KIR2DL1: variants seen among roughly 807,000 people sequenced by gnomAD.
The protein encoded by KIR2DL1 is killer cell immunoglobulin-like receptor 2DL1.
KIR2DL1 carries 38 observed loss-of-function variants against 33.9 expected under a neutral mutation model. The observed-to-expected ratio is 1.12, with a 90% CI of 0.86 to 1.47. KIR2DL1 has a LOEUF of 1.47. KIR2DL1 is among the 40% of genes most tolerant of loss of function. The probability of loss-of-function intolerance (pLI) is 0.00; values close to 1 mark genes in which losing one functional copy is unlikely to be tolerated. For synonymous variants in KIR2DL1, 179 were observed against 165.9 expected (o/e 1.08, Z -0.61); for missense variants, 531 against 433.9 (o/e 1.22, Z -1.99).
At chr19:54,779,204 T>C (rs1459887293) in intron 5 of KIR2DL1, among the ~76,000 whole-genome samples, 1 of 147,896 alleles carries the variant, frequency 6.8e-6, no homozygotes, top group African/African-American at 2.5e-5. Flanking sequence ...CTTTTCCTAT[T>C]GTTGCCATAA....
intron 5 of KIR2DL1, among the ~76,000 whole-genome samples, chr19:54,782,088 G>A (rs1157944616): frequency 1.3e-5 from 2 of 151,970 alleles, no homozygotes; most frequent in Non-Finnish European, 2.9e-5. Flanking sequence ...TCAAGGCTCA[G>A]AAAAGCTCCT....
rs1340447403 is a variant in KIR2DL1 at position 54,775,724 on chromosome 19, A to T, written c.664+266A>T. Among the ~76,000 whole-genome samples, 4 of 148,680 alleles carry T rather than the reference A, an allele frequency of 2.7e-5. 1 individual carries two copies. The highest frequency in any genetic ancestry group is 9.8e-5 in the African/African-American group (4 of 40,774). On this transcript the variant is annotated intron_variant, in intron 4 of 7. Coordinates refer to ENST00000336077, the MANE Select transcript of KIR2DL1 (RefSeq NM_014218.3). ...GACCCAGAGGAGGGAGACTGGGCTCAGTTTGGGGAGATCAGAGGTTCCCTC... is the reference window on the plus strand; with the variant it reads ...GACCCAGAGGAGGGAGACTGGGCTCTGTTTGGGGAGATCAGAGGTTCCCTC...
At chr19:54,772,575 G>A (rs2075864237) in intron 2 of KIR2DL1, among the ~76,000 whole-genome samples, 1 of 145,942 alleles carries the variant, frequency 6.9e-6, no homozygotes. Context: ...CATGGTGGCA[G>A]GTGCATGTAA....
chr19:54,780,746 T>A lies in KIR2DL1; in HGVS notation c.715+2084T>A, dbSNP rs1284286280. On this transcript the variant is annotated intron_variant, in intron 5 of 7. Transcript: ENST00000336077. Reference sequence around the variant, plus strand: ...TCATTGACTGGAAAGGCTTACTGGGTTTGATTTTCCTACTTGTTTAATCCT... The same window carrying A: ...TCATTGACTGGAAAGGCTTACTGGGATTGATTTTCCTACTTGTTTAATCCT... Among the ~76,000 whole-genome samples the A allele has an allele frequency of 7.9e-5, 11 of 139,196 alleles. 1 individual carries two copies. Among genetic ancestry groups the A allele is most frequent in the Non-Finnish European group, 1.8e-4 (11 of 62,352 alleles). 91.3% of individuals were successfully genotyped at this position (139,196 alleles called of 152,430 possible).
In KIR2DL1 at chr19:54,771,835, A is replaced by C. The variant is rs200030001; in HGVS notation, c.70+951A>C. Among the ~76,000 whole-genome samples, 123 of 146,466 alleles carry C rather than the reference A, an allele frequency of 8.4e-4. 11 individuals are homozygous for C. In the East Asian group the frequency reaches 0.011, roughly 13 times the overall value. On this transcript the variant is annotated intron_variant, in intron 2 of 7. Transcript: ENST00000336077. Reference sequence around the variant, plus strand: ...GGACCTATACATGTCGGGGTTCACAACCACACTACCCCAGTGGGTGGTCGG... The same window carrying C: ...GGACCTATACATGTCGGGGTTCACACCCACACTACCCCAGTGGGTGGTCGG...
chr19:54,770,410 G>A (rs1216583130), intron 1 of KIR2DL1, among the ~76,000 whole-genome samples: 12 of 144,328 alleles, frequency 8.3e-5, no homozygotes, highest in East Asian at 2.0e-4. Context: ...TGCCTAGGAT[G>A]GAGATACGGG....
rs933550489 is a variant in KIR2DL1, at chr19:54,780,129, C to G, written c.715+1467C>G. 11 of 527,150 alleles carry G rather than the reference C, an allele frequency of 2.1e-5. 1 individual carries two copies. The highest frequency in any genetic ancestry group is 3.0e-5 in the Non-Finnish European group (9 of 300,608). 32.7% of individuals were successfully genotyped at this position (527,150 alleles called of 1,614,324 possible). ...ACGTTGGCCAAGCTTGTCTGAAACT[C>G]CCAACCTCAAGTGATCCGACCGTCT... On this transcript the variant is annotated intron_variant, in intron 5 of 7. Transcript: ENST00000336077.
At chr19:54,772,745 A>G (rs1224735724) in intron 2 of KIR2DL1, among the ~76,000 whole-genome samples, 1 of 144,038 alleles carries the variant, frequency 6.9e-6, no homozygotes, top group East Asian at 2.0e-4. Flanking sequence ...AACAAGGAGA[A>G]GGTTGGCTAC....
At chr19:54,773,289 T>C (rs2075963295) in intron 2 of KIR2DL1, 44 bp from the exon 3 acceptor site, 1 of 1,541,396 alleles carries the variant, frequency 6.5e-7, no homozygotes, top group East Asian at 2.3e-5. Context: ...ATGGATGGGA[T>C]GATAAAGAGA....
intron 5 of KIR2DL1, among the ~76,000 whole-genome samples, chr19:54,779,111 A>G (rs1326876462): frequency 7.4e-5 from 11 of 148,180 alleles, no homozygotes; most frequent in Non-Finnish European, 1.5e-5. Flanking sequence ...TTGCCGTAAC[A>G]GAGAACAGAG....
chr19:54,781,933 C>T (rs1176278620), intron 5 of KIR2DL1, among the ~76,000 whole-genome samples: 1 of 152,094 alleles, frequency 6.6e-6, no homozygotes, highest in African/African-American at 2.4e-5. Flanking sequence ...TCCTGGACTG[C>T]ACCTGGGCCT....
chr19:54,783,568 T>C (rs1370884999), intron 7 of KIR2DL1, 30 bp downstream of exon 7: 2 of 1,613,840 alleles, frequency 1.2e-6, no homozygotes. Flanking sequence ...GGCTCGTGGC[T>C]ACTGTTATTC....
chr19:54,779,240 A>C (rs564865565), intron 5 of KIR2DL1, among the ~76,000 whole-genome samples: 46 of 148,630 alleles, frequency 3.1e-4, no homozygotes, highest in African/African-American at 1.1e-3. Flanking sequence ...TTCGTGGGTG[A>C]AAACAAAACG....
chr19:54,782,197 C>T lies in KIR2DL1; in HGVS notation c.716-725C>T, dbSNP rs762997092. Among the ~76,000 whole-genome samples the T allele has an allele frequency of 1.0e-3, 156 of 151,840 alleles. 2 individuals carry two copies. Among genetic ancestry groups the T allele is most frequent in the Non-Finnish European group, 1.8e-3 (122 of 67,996 alleles). On this transcript the variant is annotated intron_variant, in intron 5 of 7. Transcript: ENST00000336077. Reference sequence around the variant, plus strand: ...CCCTGGAGCCACAGGAAGCACTCAGCTAAAGCACTGCATGACGTCCTCCAG... The same window carrying T: ...CCCTGGAGCCACAGGAAGCACTCAGTTAAAGCACTGCATGACGTCCTCCAG...
intron 4 of KIR2DL1, among the ~76,000 whole-genome samples, chr19:54,777,362 A>T (rs2076472547): frequency 6.8e-6 from 1 of 148,086 alleles, no homozygotes; most frequent in Non-Finnish European, 1.5e-5. Context: ...AAGTTCTAGG[A>T]TGACACAAGT....
At chr19:54,783,152 T>C in intron 6 of KIR2DL1, 129 bp downstream of exon 6, 1 of 1,105,860 alleles carries the variant, frequency 9.0e-7, no homozygotes, top group African/African-American at 1.5e-5. Context: ...GAGGCAGGAC[T>C]TTCTAGAGAG....
In KIR2DL1 at chr19:54,773,639, G is replaced by A; in HGVS notation, c.370+7G>A. The A allele has an allele frequency of 3.2e-6, 5 of 1,564,202 alleles. No individual in the cohort carries two copies. The highest frequency in any genetic ancestry group is 4.5e-5 in the East Asian group (2 of 44,014). ...CTGGACATCGTGATCATAGGTGAGA[G>A]TGTCCAGACTTTCTTCTCATTGTCA... On this transcript the variant is annotated splice_region_variant and intron_variant, in intron 3 of 7. Coordinates refer to ENST00000336077, the MANE Select transcript of KIR2DL1 (RefSeq NM_014218.3).
rs766578398 is a variant in KIR2DL1, at chr19:54,773,431, C to G, written c.169C>G (p.His57Asp). The change falls in exon 3 of 8, where the codon CAC (histidine) becomes GAC (aspartate). Residue 57 changes from histidine (H) to aspartate (D), a missense_variant. Coordinates refer to ENST00000336077, the MANE Select transcript of KIR2DL1 (RefSeq NM_014218.3). Reference sequence around the variant, plus strand: ...GTGTTGGTCAGATGTCATGTTTGAACACTTCCTTCTGCACAGAGAGGGGAT... The same window carrying G: ...GTGTTGGTCAGATGTCATGTTTGAAGACTTCCTTCTGCACAGAGAGGGGAT... ...LQCWSDVMFE[H>D]FLLHREGMFN... The G allele has an allele frequency of 3.3e-5, 53 of 1,589,802 alleles. 2 individuals carry two copies. Among genetic ancestry groups the G allele is most frequent in the South Asian group, 4.4e-5 (4 of 90,360 alleles).
chr19:54,781,566 A>T (rs2569669), intron 5 of KIR2DL1, among the ~76,000 whole-genome samples: 3,200 of 140,662 alleles, frequency 0.023, 39 homozygotes, highest in African/African-American at 0.073. Flanking sequence ...GAGATCAGCG[A>T]CAGCACTAGC....
Sources: allele counts gnomAD v4.1 joint callset (sites outside exome capture counted in the v4.1 genomes callset), GRCh38; gene constraint gnomAD v4.1.1; transcripts MANE v1.5; gene names NCBI Gene and HGNC (gene_info 2026-07-23, HGNC 2026-07-21).